SYNDIG1: variants seen among roughly 807,000 people sequenced by gnomAD.
SYNDIG1 encodes the protein synapse differentiation-inducing gene protein 1.
A neutral mutation model predicts 19.4 loss-of-function variants in SYNDIG1; 9 were observed. The ratio of observed to expected loss-of-function variants is 0.46; its 90% CI spans 0.28 to 0.81. SYNDIG1 has a LOEUF of 0.81. Ranked by LOEUF, SYNDIG1 falls within the 30% of genes least tolerant of loss-of-function variation. The pLI is 0.12. For missense variants in SYNDIG1, 311 were observed against 343.3 expected, an observed-to-expected ratio of 0.91 and a Z score of 0.74; for synonymous variants, 141 against 145.9, an observed-to-expected ratio of 0.97 and a Z score of 0.24.
At chr20:24,544,956 C>T (rs1381463871) in intron 2 of SYNDIG1, among the ~76,000 whole-genome samples, 1 of 152,010 alleles carries the variant, frequency 6.6e-6, no homozygotes, top group Non-Finnish European at 1.5e-5. Flanking sequence ...GTGCACTCTG[C>T]CTGGAAGGTG....
chr20:24,471,602 TAAAAA>T (rs11442019), intron 1 of SYNDIG1, among the ~76,000 whole-genome samples: 1 of 132,978 alleles, frequency 7.5e-6, no homozygotes, highest in South Asian at 2.5e-4. Flanking sequence ...AGGGCCTTGT[TAAAAA>T]AAAAAAAAAA....
At chr20:24,569,750 G>T (rs2058110339) in intron 2 of SYNDIG1, among the ~76,000 whole-genome samples, 1 of 152,148 alleles carries the variant, frequency 6.6e-6, no homozygotes, top group African/African-American at 2.4e-5. Context: ...AAGTGTTTAG[G>T]GGGAGTGTCC....
chr20:24,649,469 G>A (rs145405105), intron 3 of SYNDIG1, among the ~76,000 whole-genome samples: 262 of 152,254 alleles, frequency 1.7e-3, no homozygotes, highest in South Asian at 2.7e-3. Context: ...TCTTGCACAC[G>A]TGTATCTATA....
chr20:24,480,629 T>C (rs2055771019), intron 1 of SYNDIG1, among the ~76,000 whole-genome samples: 1 of 152,226 alleles, frequency 6.6e-6, no homozygotes, highest in South Asian at 2.1e-4. Context: ...TCTGGGTATA[T>C]ATCCAAAATA....
intron 1 of SYNDIG1, among the ~76,000 whole-genome samples, chr20:24,522,824 G>T (rs1006712715): frequency 2.4e-4 from 36 of 152,186 alleles, no homozygotes; most frequent in African/African-American, 8.0e-4. Flanking sequence ...AGGGGAAGTG[G>T]CAGCCAACAT....
chr20:24,515,415 A>G (rs922028667), intron 1 of SYNDIG1, among the ~76,000 whole-genome samples: 11 of 152,332 alleles, frequency 7.2e-5, no homozygotes, highest in Admixed American at 7.2e-4. Context: ...TTTGCAGATG[A>G]CATGATGGTA....
At chr20:24,657,968 GC>G (rs2059545438) in intron 3 of SYNDIG1, among the ~76,000 whole-genome samples, 1 of 152,158 alleles carries the variant, frequency 6.6e-6, no homozygotes, top group South Asian at 2.1e-4. Context: ...TCTTGCGGAA[GC>G]CTGTCCCAGA....
chr20:24,491,761 T>G (rs536659162), intron 1 of SYNDIG1: 1 of 152,174 alleles, frequency 6.6e-6, no homozygotes, highest in Non-Finnish European at 1.5e-5. Flanking sequence ...AAAAGTATGG[T>G]TATGCTTGAA....
intron 2 of SYNDIG1, among the ~76,000 whole-genome samples, chr20:24,574,320 A>G (rs2058192580): frequency 1.0e-5 from 1 of 98,330 alleles, no homozygotes; most frequent in African/African-American, 4.3e-5. Context: ...TCTATTAAAA[A>G]CCTAAAAAAA....
intron 2 of SYNDIG1, among the ~76,000 whole-genome samples, chr20:24,577,079 T>C (rs1184701270): frequency 6.6e-6 from 1 of 151,934 alleles, no homozygotes; most frequent in African/African-American, 2.4e-5. Flanking sequence ...ATACCCAAGA[T>C]GATTGGTCAG....
intron 3 of SYNDIG1, among the ~76,000 whole-genome samples, chr20:24,656,630 C>T (rs186121533): frequency 2.0e-5 from 3 of 152,346 alleles, no homozygotes; most frequent in African/African-American, 7.2e-5. Flanking sequence ...ACACAGAAAT[C>T]CACTTCCTGG....
chr20:24,520,413 A>G (rs922558260), intron 1 of SYNDIG1, among the ~76,000 whole-genome samples: 3 of 152,182 alleles, frequency 2.0e-5, no homozygotes, highest in African/African-American at 7.2e-5. Flanking sequence ...CAGTAAGTTC[A>G]GGCCAGGTGC....
intron 2 of SYNDIG1, among the ~76,000 whole-genome samples, chr20:24,558,190 G>T (rs1327540576): frequency 6.6e-5 from 10 of 152,130 alleles, no homozygotes; most frequent in African/African-American, 2.4e-4. Context: ...ACTTTTCTGA[G>T]GAAGGAACTC....
At chr20:24,543,869 C>T (rs186973820) in intron 2 of SYNDIG1, among the ~76,000 whole-genome samples, 1 of 152,280 alleles carries the variant, frequency 6.6e-6, no homozygotes, top group Non-Finnish European at 1.5e-5. Context: ...GTTTTCCCTG[C>T]TCTCCCGCAT....
At chr20:24,638,044 C>A (rs2059333582) in intron 3 of SYNDIG1, among the ~76,000 whole-genome samples, 1 of 152,236 alleles carries the variant, frequency 6.6e-6, no homozygotes, top group Admixed American at 6.5e-5. Flanking sequence ...AGTGTTCCCT[C>A]CAAACACTGC....
At chr20:24,662,789 G>A (rs1017020550) in intron 3 of SYNDIG1, among the ~76,000 whole-genome samples, 6 of 152,204 alleles carry the variant, frequency 3.9e-5, no homozygotes, top group Non-Finnish European at 8.8e-5. Context: ...CAACCTGTTG[G>A]CAAAAGACAG....
intron 2 of SYNDIG1, among the ~76,000 whole-genome samples, chr20:24,559,708 C>A (rs2057898311): frequency 1.3e-5 from 2 of 152,244 alleles, no homozygotes; most frequent in South Asian, 4.2e-4. Flanking sequence ...GAATGTCATT[C>A]TTTTGCTCTC....
chr20:24,636,963 T>A (rs1051251610), intron 3 of SYNDIG1, among the ~76,000 whole-genome samples: 1 of 152,240 alleles, frequency 6.6e-6, no homozygotes, highest in Non-Finnish European at 1.5e-5. Context: ...CAAGTTGCAA[T>A]TGAGGCCTTG....
At chr20:24,481,994 T>C (rs2055811224) in intron 1 of SYNDIG1, among the ~76,000 whole-genome samples, 1 of 152,024 alleles carries the variant, frequency 6.6e-6, no homozygotes, top group Non-Finnish European at 1.5e-5. Context: ...GTAAACAAAA[T>C]TGGAACGCAT....
Sources: allele counts gnomAD v4.1 joint callset (sites outside exome capture counted in the v4.1 genomes callset), GRCh38; gene constraint gnomAD v4.1.1; transcripts MANE v1.5; gene names NCBI Gene and HGNC (gene_info 2026-07-23, HGNC 2026-07-21).